SLC45A4: variants seen among roughly 807,000 people sequenced by gnomAD.
SLC45A4 encodes polyamine-transporter SLC45A4.
In SLC45A4, 32 loss-of-function variants were observed where a neutral mutation model predicts 63.7. That is an observed-to-expected ratio of 0.50 (90% CI 0.38 to 0.67). The LOEUF (loss-of-function observed/expected upper bound fraction) is 0.67, where lower values mean the gene tolerates loss of function less well. Ranked by LOEUF, SLC45A4 falls within the 30% of genes least tolerant of loss-of-function variation. The probability of loss-of-function intolerance (pLI) is 0.00; values close to 1 mark genes in which losing one functional copy is unlikely to be tolerated. For synonymous variants in SLC45A4, 535 were observed against 510.0 expected, an observed-to-expected ratio of 1.05 and a Z score of -0.66; for missense variants, 1,027 against 1,157.7, an observed-to-expected ratio of 0.89 and a Z score of 1.64.
chr8:141,249,562 G>A (rs1326903523), intron 2 of SLC45A4, among the ~76,000 whole-genome samples: 1 of 152,300 alleles, frequency 6.6e-6, no homozygotes, highest in South Asian at 2.1e-4. Flanking sequence ...GGCAGCGGGG[G>A]CTGATGTGGG....
chr8:141,217,455 C>A (rs1826228646), intron 5 of SLC45A4, among the ~76,000 whole-genome samples: 1 of 152,246 alleles, frequency 6.6e-6, no homozygotes, highest in African/African-American at 2.4e-5. Flanking sequence ...CCAGTCTGGG[C>A]TGGTCTGGAC....
chr8:141,250,820 G>A (rs1331633942), intron 2 of SLC45A4, among the ~76,000 whole-genome samples: 2 of 152,148 alleles, frequency 1.3e-5, no homozygotes, highest in Non-Finnish European at 2.9e-5. Context: ...GCAAGTTGAG[G>A]AGCATCTGTA....
At chr8:141,298,566 G>C (rs13273731) in intron 1 of SLC45A4, among the ~76,000 whole-genome samples, 21,581 of 152,260 alleles carry the variant, frequency 0.14, 1,801 homozygotes, top group Non-Finnish European at 0.19. Context: ...CAAGCCAAGT[G>C]GCCAACCCGA....
Position 141,264,984 on chromosome 8 carries a change from T to C in SLC45A4, c.-400-10355A>G, listed in dbSNP as rs1829199577. Among the ~76,000 whole-genome samples the C allele has an allele frequency of 2.0e-5, 3 of 152,212 alleles. No homozygotes were observed. In the South Asian group the frequency reaches 6.2e-4, roughly 32 times the overall value. On this transcript the variant is annotated intron_variant, in intron 1 of 8. Transcript: ENST00000517878. Reference sequence around the variant, plus strand: ...GTTCCTTCCCATCTAATTAAGGCTATTCATTCTTATATTTTCAGTTTATAA... The same window carrying C: ...GTTCCTTCCCATCTAATTAAGGCTACTCATTCTTATATTTTCAGTTTATAA...
At chr8:141,231,983 G>GTT (rs1315193237) in intron 2 of SLC45A4, among the ~76,000 whole-genome samples, 1 of 152,250 alleles carries the variant, frequency 6.6e-6, no homozygotes, top group African/African-American at 2.4e-5. Flanking sequence ...AGGTCACGTA[G>GTT]CACTGCCCAG....
chr8:141,304,995 TGAC>T (rs1428630772), intron 1 of SLC45A4, among the ~76,000 whole-genome samples: 1 of 152,192 alleles, frequency 6.6e-6, no homozygotes, highest in Non-Finnish European at 1.5e-5. Flanking sequence ...AATGACAATA[TGAC>T]CTGTTAAGCT....
chr8:141,261,863 G>GA (rs1829051412), intron 1 of SLC45A4, among the ~76,000 whole-genome samples: 1 of 152,146 alleles, frequency 6.6e-6, no homozygotes, highest in South Asian at 2.1e-4. Flanking sequence ...CACATAACTG[G>GA]AAAAAACTAC....
chr8:141,211,270 A>T lies in SLC45A4; in HGVS notation c.*302T>A. 1.7e-6 allele frequency: 1 copy of T among 593,548 alleles called. No individual in the cohort carries two copies. The highest frequency in any genetic ancestry group is 2.7e-6 in the Non-Finnish European group (1 of 375,318). 36.8% of individuals were successfully genotyped at this position (593,548 alleles called of 1,614,324 possible). ...CCCCCTGACGTTGGGAGCGGTCTGGAGGGGCAACCTGGCCTCCTAGGAGAG... is the reference window on the plus strand; with the variant it reads ...CCCCCTGACGTTGGGAGCGGTCTGGTGGGGCAACCTGGCCTCCTAGGAGAG... On this transcript the variant is annotated 3_prime_UTR_variant, in exon 9 of 9. Coordinates refer to ENST00000517878, the MANE Select transcript of SLC45A4 (RefSeq NM_001286646.2).
intron 2 of SLC45A4, among the ~76,000 whole-genome samples, chr8:141,246,755 T>C (rs1828225586): frequency 6.6e-6 from 1 of 151,972 alleles, no homozygotes; most frequent in African/African-American, 2.4e-5. Context: ...AAACCATTTC[T>C]AATAAATGAT....
At position 141,278,700 on chromosome 8, in the gene SLC45A4, A is replaced by C. The variant is rs188446990; in HGVS notation, c.-400-24071T>G. Among the ~76,000 whole-genome samples the C allele has an allele frequency of 2.9e-4, 44 of 152,370 alleles. No homozygotes were observed. The highest frequency in any genetic ancestry group is 1.0e-3 in the African/African-American group (43 of 41,592). On this transcript the variant is annotated intron_variant, in intron 1 of 8. Coordinates refer to ENST00000517878, the MANE Select transcript of SLC45A4 (RefSeq NM_001286646.2). The surrounding 1 kb of genome is among the most constrained non-coding windows in gnomAD (Gnocchi z 4.1). ...AGAGGAACTGTGAGTGAGCAGAAAA[A>C]TGCAATGCAATCAGCTGACCAGAGA...
At chr8:141,282,503 G>T (rs11781379) in intron 1 of SLC45A4, among the ~76,000 whole-genome samples, 1,982 of 152,198 alleles carry the variant, frequency 0.013, 21 homozygotes, top group Non-Finnish European at 0.019. Context: ...CTCAGGGCAC[G>T]CCGCCTCCAT....
At chr8:141,211,767 T>C in intron 8 of SLC45A4, 70 bp from the exon 9 acceptor site, 1 of 1,458,290 alleles carries the variant, frequency 6.9e-7, no homozygotes, top group Non-Finnish European at 9.1e-7. Context: ...AGCATTCAGA[T>C]AAGACTTAGC....
rs554835843 is a variant in SLC45A4, at chr8:141,256,733, C to A, written c.-400-2104G>T. ...CCCTGAACGTCGCTACGATTCCACACGACAGCCCTCGAGAATTCTTTCAAG... is the reference window on the plus strand; with the variant it reads ...CCCTGAACGTCGCTACGATTCCACAAGACAGCCCTCGAGAATTCTTTCAAG... On this transcript the variant is annotated intron_variant, in intron 1 of 8. Transcript: ENST00000517878. The surrounding 1 kb of genome is among the most constrained non-coding windows in gnomAD (Gnocchi z 4.3). 14 of 416,794 alleles carry A rather than the reference C, an allele frequency of 3.4e-5. No individual in the cohort carries two copies. The East Asian group carries it at 1.0e-3, about 30-fold the overall frequency. 25.8% of individuals were successfully genotyped at this position (416,794 alleles called of 1,614,324 possible).
At chr8:141,214,779 C>A (rs2154613962) in intron 7 of SLC45A4, among the ~76,000 whole-genome samples, 1 of 152,186 alleles carries the variant, frequency 6.6e-6, no homozygotes, top group South Asian at 2.1e-4. Flanking sequence ...ACACGGAAGC[C>A]CAATTTATGG....
Position 141,245,313 on chromosome 8 carries a change from C to T in SLC45A4, c.241+8676G>A, listed in dbSNP as rs1464961352. 4.6e-5 allele frequency among the ~76,000 whole-genome samples: 7 copies of T among 152,288 alleles called. No homozygotes were observed. In the East Asian group the frequency reaches 9.7e-4, roughly 21 times the overall value. ...TTGGGTTGCTGGCTGCTGCTACCTC[C>T]ACCACCACCGTTTCGAGGAGGGACA... On this transcript the variant is annotated intron_variant, in intron 2 of 8. Coordinates refer to ENST00000517878, the MANE Select transcript of SLC45A4 (RefSeq NM_001286646.2).
Position 141,256,716 on chromosome 8 carries a change from G to A in SLC45A4, c.-400-2087C>T, listed in dbSNP as rs566143458. The A allele has an allele frequency of 3.0e-5, 13 of 437,964 alleles. No individual in the cohort carries two copies. The highest frequency in any genetic ancestry group is 1.0e-4 in the African/African-American group (5 of 49,788). 27.1% of individuals were successfully genotyped at this position (437,964 alleles called of 1,614,324 possible). A position where few individuals can be genotyped will look rare whatever the true frequency, so the allele number is the denominator to read the frequency against. On this transcript the variant is annotated intron_variant, in intron 1 of 8. Coordinates refer to ENST00000517878, the MANE Select transcript of SLC45A4 (RefSeq NM_001286646.2). This position sits in a 1 kb window ranked among gnomAD's most constrained non-coding sequence, Gnocchi z 4.3. ...TATTTGCTTCTTACGTCCCCTGAAC[G>A]TCGCTACGATTCCACACGACAGCCC...
At chr8:141,265,274 G>C (rs1829220189) in intron 1 of SLC45A4, among the ~76,000 whole-genome samples, 1 of 152,204 alleles carries the variant, frequency 6.6e-6, no homozygotes, top group Non-Finnish European at 1.5e-5. Flanking sequence ...TCCTGAACAC[G>C]AAGACTCTGA....
In SLC45A4 at chr8:141,230,857, G is replaced by A. The variant is rs533622975; in HGVS notation, c.242-9092C>T. ...GCATTCTGCCAGCCAAATTGGGAAC[G>A]TGGCACTGATGACGGCCCCAACGAC... On this transcript the variant is annotated intron_variant, in intron 2 of 8. Coordinates refer to ENST00000517878, the MANE Select transcript of SLC45A4 (RefSeq NM_001286646.2). Among the ~76,000 whole-genome samples, 46 of 152,364 alleles carry A rather than the reference G, an allele frequency of 3.0e-4. No individual in the cohort carries two copies. In the South Asian group the frequency reaches 8.5e-3, roughly 28 times the overall value.
Position 141,261,119 on chromosome 8 carries a change from A to G in SLC45A4, c.-400-6490T>C, listed in dbSNP as rs1427098227. ...CCAGCGTATAAACACAACCAAAGAC[A>G]AAAACCACATGATTATCTCAATAGA... On this transcript the variant is annotated intron_variant, in intron 1 of 8. Coordinates refer to ENST00000517878, the MANE Select transcript of SLC45A4 (RefSeq NM_001286646.2). Among the ~76,000 whole-genome samples the G allele has an allele frequency of 2.6e-5, 4 of 152,248 alleles. No individual in the cohort carries two copies. The South Asian group carries it at 8.3e-4, about 31-fold the overall frequency.
Sources: allele counts gnomAD v4.1 joint callset (sites outside exome capture counted in the v4.1 genomes callset), GRCh38; gene constraint gnomAD v4.1.1; non-coding constraint Gnocchi (gnomAD v3.1); transcripts MANE v1.5; gene names NCBI Gene and HGNC (gene_info 2026-07-23, HGNC 2026-07-21).